ZNF519: variants seen among roughly 807,000 people sequenced by gnomAD.
ZNF519 encodes zinc finger protein 519.
Under a neutral mutation model 7.4 loss-of-function variants are expected in ZNF519, and 7 were observed. The ratio of observed to expected loss-of-function variants is 0.94; its 90% CI spans 0.54 to 1.77. The LOEUF (loss-of-function observed/expected upper bound fraction) is 1.77, where lower values mean the gene tolerates loss of function less well. ZNF519 is among the 40% of genes most tolerant of loss of function. The pLI is 0.00. For missense variants in ZNF519, 586 were observed against 623.1 expected (o/e 0.94, Z 0.63); for synonymous variants, 179 against 203.3 (o/e 0.88, Z 1.02).
chr18:14,075,658 T>C (rs1420215078), downstream of ZNF519: 2 of 152,136 alleles, frequency 1.3e-5, no homozygotes, highest in Non-Finnish European at 2.9e-5. Context: ...AGAAATACAA[T>C]GCTAAAGAAA....
intron 2 of ZNF519, among the ~76,000 whole-genome samples, chr18:14,093,971 C>T (rs1304227562): frequency 6.6e-6 from 1 of 152,196 alleles, no homozygotes; most frequent in African/African-American, 2.4e-5. Context: ...TTTGTCTCTC[C>T]TACTTATTTT....
intron 1 of ZNF519, among the ~76,000 whole-genome samples, chr18:14,130,277 T>C (rs373622677): frequency 1.3e-5 from 2 of 152,128 alleles, no homozygotes; most frequent in South Asian, 2.1e-4. Flanking sequence ...CTCTCTTTAT[T>C]AACCTCCTAA....
intron 2 of ZNF519, among the ~76,000 whole-genome samples, chr18:14,115,507 A>G (rs1250199963): frequency 6.6e-6 from 1 of 152,222 alleles, no homozygotes; most frequent in Non-Finnish European, 1.5e-5. Context: ...TTATAAAGTT[A>G]TATTAATCAA....
At chr18:14,121,833 T>C (rs186649401) in intron 2 of ZNF519, 10 of 152,242 alleles carry the variant, frequency 6.6e-5, no homozygotes, top group South Asian at 2.1e-4. Context: ...GACAAAATTA[T>C]AAGATAATAG....
intron 2 of ZNF519, among the ~76,000 whole-genome samples, chr18:14,117,335 T>C (rs545106563): frequency 6.6e-5 from 10 of 152,324 alleles, no homozygotes; most frequent in Admixed American, 6.5e-4. Flanking sequence ...AAAACATTTC[T>C]AGTCTTTAGA....
At chr18:14,077,781 T>C (rs1276836571) in intron 4 of ZNF519, among the ~76,000 whole-genome samples, 3 of 152,186 alleles carry the variant, frequency 2.0e-5, no homozygotes, top group Non-Finnish European at 4.4e-5. Context: ...CTATGCTTCC[T>C]TGATGTGTTC....
chr18:14,075,143 C>T (rs2046042776), downstream of ZNF519: 1 of 152,146 alleles, frequency 6.6e-6, no homozygotes, highest in Non-Finnish European at 1.5e-5. Flanking sequence ...ACAGAAAAGA[C>T]CTGCCCCCAT....
chr18:14,120,392 T>C (rs12960141), intron 2 of ZNF519, among the ~76,000 whole-genome samples: 9,693 of 152,082 alleles, frequency 0.064, 443 homozygotes, highest in Non-Finnish European at 0.098. Context: ...TACCCTAAAA[T>C]TAACTAAAAA....
rs1235677420 is a variant in ZNF519 at position 14,103,598 on chromosome 18, A to C, written c.*1319T>G. On this transcript the variant is annotated 3_prime_UTR_variant, in exon 3 of 3. Coordinates refer to ENST00000590202, the MANE Select transcript of ZNF519 (RefSeq NM_145287.4). ...ACAAACAATTTTAAATTAATAACCT[A>C]ATGTTTGGTAAAAATAGCTAAGGGC... The C allele has an allele frequency of 6.6e-6, 1 of 152,116 alleles. No homozygotes were observed. The highest frequency in any genetic ancestry group is 1.5e-5 in the Non-Finnish European group (1 of 67,966). The allele number at this position is 152,116 out of a possible 1,614,324, so 9.4% of individuals were successfully genotyped here. A position where few individuals can be genotyped will look rare whatever the true frequency, so the allele number is the denominator to read the frequency against.
At chr18:14,118,493 T>A (rs547244325) in intron 2 of ZNF519, among the ~76,000 whole-genome samples, 1 of 152,280 alleles carries the variant, frequency 6.6e-6, no homozygotes, top group Admixed American at 6.5e-5. Flanking sequence ...ACATAAGACA[T>A]CTTATGTCAT....
chr18:14,118,260 A>G (rs1487718006), intron 2 of ZNF519, among the ~76,000 whole-genome samples: 3 of 151,978 alleles, frequency 2.0e-5, no homozygotes, highest in Non-Finnish European at 2.9e-5. Flanking sequence ...GGGTTTCACC[A>G]TGTTAGCCAG....
chr18:14,073,265 T>C (rs1189289154), downstream of ZNF519: 2 of 150,744 alleles, frequency 1.3e-5, no homozygotes, highest in African/African-American at 4.9e-5. Flanking sequence ...TATTTATTTA[T>C]TTATTTATTT....
At chr18:14,075,295 T>G (rs184200234), downstream of ZNF519, 4 of 152,324 alleles carry the variant, frequency 2.6e-5, no homozygotes, top group Admixed American at 2.6e-4. Context: ...TTTTCGCCAT[T>G]CCACTTGCCA....
chr18:14,096,540 C>T (rs8093113), downstream of ZNF519, among the ~76,000 whole-genome samples: 353 of 152,192 alleles, frequency 2.3e-3, 3 homozygotes, highest in African/African-American at 7.8e-3. Flanking sequence ...TTTAGAGACA[C>T]GGTCTTGCTC....
chr18:14,087,852 A>T (rs141102682), intron 2 of ZNF519, among the ~76,000 whole-genome samples: 137 of 152,330 alleles, frequency 9.0e-4, no homozygotes, highest in Non-Finnish European at 1.4e-3. Flanking sequence ...ATTAAAGTAA[A>T]AATGGACAAA....
At chr18:14,111,485 C>T (rs1356972420) in intron 2 of ZNF519, among the ~76,000 whole-genome samples, 2 of 130,922 alleles carry the variant, frequency 1.5e-5, no homozygotes, top group East Asian at 2.2e-4. Flanking sequence ...CCAGCCTGGG[C>T]GACAGAGTGA....
At chr18:14,119,633 G>A (rs1294902962) in intron 2 of ZNF519, among the ~76,000 whole-genome samples, 1 of 152,046 alleles carries the variant, frequency 6.6e-6, no homozygotes, top group Non-Finnish European at 1.5e-5. Flanking sequence ...TACTTCTGGG[G>A]TTTTTTGAGA....
At chr18:14,072,942 C>T (rs1598504314), downstream of ZNF519, 1 of 152,138 alleles carries the variant, frequency 6.6e-6, no homozygotes, top group African/African-American at 2.4e-5. Context: ...TATTTTTTGC[C>T]ATACAACTGC....
At position 14,085,406 on chromosome 18, in the gene ZNF519, T is replaced by A. The variant is rs570737719; in HGVS notation, c.131-330A>T. On this transcript the variant is annotated intron_variant and NMD_transcript_variant, in intron 2 of 4. Coordinates refer to the ZNF519 transcript ENST00000587419. ...ACTTCTAGGAAAATCAGAAGGGTGA[T>A]TTTTTTGGAAAAAAAATTTTTGGAA... 2.0e-5 allele frequency among the ~76,000 whole-genome samples: 3 copies of A among 152,058 alleles called. No individual in the cohort carries two copies. In the East Asian group the frequency reaches 5.8e-4, roughly 29 times the overall value.
Sources: allele counts gnomAD v4.1 joint callset (sites outside exome capture counted in the v4.1 genomes callset), GRCh38; gene constraint gnomAD v4.1.1; transcripts MANE v1.5; gene names NCBI Gene and HGNC (gene_info 2026-07-23, HGNC 2026-07-21).